The following SLC28A1 variants were observed in gnomAD, a reference collection of about 807,000 sequenced individuals.
SLC28A1 encodes the protein solute carrier family 28 member 1.
SLC28A1 carries 64 observed loss-of-function variants against 74.8 expected under a neutral mutation model. That is an observed-to-expected ratio of 0.86 (90% CI 0.70 to 1.05). The LOEUF is 1.05. Ranked by LOEUF, SLC28A1 falls within the 50% of genes least tolerant of loss-of-function variation. SLC28A1 has a pLI of 0.00. For synonymous variants in SLC28A1, 359 were observed against 335.0 expected, an observed-to-expected ratio of 1.07 and a Z score of -0.78; for missense variants, 828 against 822.8, an observed-to-expected ratio of 1.01 and a Z score of -0.08.
intron 17 of SLC28A1, 24 bp from the exon 18 acceptor site, chr15:84,944,732 C>T (rs777444365): frequency 3.1e-6 from 5 of 1,605,374 alleles, no homozygotes; most frequent in Non-Finnish European, 4.3e-6. Flanking sequence ...GGGCCCTGCC[C>T]CACCCACCAC....
intron 6 of SLC28A1, among the ~76,000 whole-genome samples, chr15:84,898,579 CA>C (rs34936074): frequency 1.1e-3 from 148 of 138,146 alleles, no homozygotes; most frequent in East Asian, 1.4e-3. Context: ...ACTCCATCAC[CA>C]AAAAAAAAAA....
intron 6 of SLC28A1, among the ~76,000 whole-genome samples, chr15:84,897,814 C>T (rs1226471216): frequency 6.6e-6 from 1 of 152,210 alleles, no homozygotes; most frequent in Non-Finnish European, 1.5e-5. Flanking sequence ...TCTCTGGTAA[C>T]CACCAAACTA....
At chr15:84,933,371 A>G (rs1971532644) in intron 13 of SLC28A1, 96 bp downstream of exon 13, 2 of 1,452,016 alleles carry the variant, frequency 1.4e-6, no homozygotes, top group Non-Finnish European at 1.9e-6. Context: ...ACTGTCTTCC[A>G]CTAGCCTGGG....
chr15:84,889,002 C>T (rs34130645), intron 4 of SLC28A1, 142 bp downstream of exon 4: 115,457 of 655,850 alleles, frequency 0.18, 10,815 homozygotes, highest in Middle Eastern at 0.23. Flanking sequence ...CTTTAGCCAA[C>T]ACGCACAGGC....
Position 84,918,533 on chromosome 15 carries a change from A to ATCAT in SLC28A1, c.807_810dup (p.Val271HisfsTer38), listed in dbSNP as rs1490903538. 1.2e-6 allele frequency: 2 copies of ATCAT among 1,613,520 alleles called. No homozygotes were observed. The highest frequency in any genetic ancestry group is 1.7e-5 in the Admixed American group (1 of 59,984). The stretch of plus-strand genomic sequence containing the variant: ...ATCTCCTTCCCGGCAGGTTCTGCCC[A>ATCAT]TCATTGTCTTTTTCAGCTGTGTCAT... On this transcript the variant is annotated frameshift_variant, in exon 10 of 19. Transcript: ENST00000394573. LOFTEE classifies it high-confidence loss of function.
rs1966975656 is a variant in SLC28A1 at position 84,905,647 on chromosome 15, A to G, written c.712A>G (p.Ile238Val). The G allele has an allele frequency of 1.2e-6, 2 of 1,610,636 alleles. No individual in the cohort carries two copies. The highest frequency in any genetic ancestry group is 1.7e-6 in the Non-Finnish European group (2 of 1,176,934). ...FIAFEWLGEQ[I>V]RIFLSYTKAG... ...TGCGTTCGAGTGGCTGGGCGAGCAG[A>G]TCCGGGTAGGTATGTGGGGTCTGGC... Residue 238 changes from isoleucine (I) to valine (V), a missense_variant, in exon 8 of 19, where the codon ATC (isoleucine) becomes GTC (valine). Physicochemically the swap from Ile to Val is conservative, Grantham distance 29. Transcript: ENST00000394573.
chr15:84,922,519 C>G (rs113332179), intron 11 of SLC28A1, among the ~76,000 whole-genome samples: 3 of 152,300 alleles, frequency 2.0e-5, no homozygotes, highest in African/African-American at 7.2e-5. Context: ...CCATCTACAA[C>G]CCCCCGCTGC....
intron 8 of SLC28A1, among the ~76,000 whole-genome samples, chr15:84,905,855 G>A (rs1466371926): frequency 4.6e-5 from 7 of 151,874 alleles, no homozygotes; most frequent in Non-Finnish European, 2.9e-5. Context: ...TGGTACTGAG[G>A]TCCCAATAGA....
Position 84,933,134 on chromosome 15 carries a change from C to A in SLC28A1, c.1084-11C>A. On this transcript the variant is annotated splice_polypyrimidine_tract_variant and intron_variant, in intron 12 of 18. Transcript: ENST00000394573. ...ACTGTCCACCTAGAACCTGCACTCT[C>A]ACTCTTGCAGATCGATGCCACCTCG... is the stretch of plus-strand genomic sequence containing the variant. 1 of 1,612,794 alleles carries A rather than the reference C, an allele frequency of 6.2e-7. No homozygotes were observed. The highest frequency in any genetic ancestry group is 1.1e-5 in the South Asian group (1 of 90,868).
At chr15:84,962,299 C>T in the SLC28A1 span, among the ~76,000 whole-genome samples, 1 of 152,032 alleles carries the variant, frequency 6.6e-6, no homozygotes, top group African/African-American at 2.4e-5. Context: ...GTCTCGAACT[C>T]CTGGCCTCAG....
downstream of SLC28A1, among the ~76,000 whole-genome samples, chr15:84,950,265 AC>A (rs2079371607): frequency 1.3e-5 from 2 of 152,006 alleles, no homozygotes; most frequent in Admixed American, 1.3e-4. Flanking sequence ...TCATTCATAA[AC>A]TCAAAATTTT....
At chr15:84,940,563 ATG>A (rs1972537553) in intron 15 of SLC28A1, 1 of 151,244 alleles carries the variant, frequency 6.6e-6, no homozygotes, top group Admixed American at 6.6e-5. Flanking sequence ...CCTCTTTCTC[ATG>A]TTTCTCCTAT....
At chr15:84,974,656 C>T in the SLC28A1 span, among the ~76,000 whole-genome samples, 27 of 152,224 alleles carry the variant, frequency 1.8e-4, no homozygotes, top group East Asian at 5.2e-3. Flanking sequence ...TCTGTCCTAC[C>T]CTGGTGCAAG....
chr15:84,923,882 G>C (rs953950642), intron 11 of SLC28A1, 103 bp from the exon 12 acceptor site: 22 of 1,497,902 alleles, frequency 1.5e-5, no homozygotes, highest in Non-Finnish European at 1.8e-5. Context: ...CCATCCTGCT[G>C]CCTCTTACCG....
At chr15:84,905,777 T>C (rs1596259131) in intron 8 of SLC28A1, 125 bp downstream of exon 8, 1 of 787,952 alleles carries the variant, frequency 1.3e-6, no homozygotes, top group Non-Finnish European at 2.2e-6. Context: ...GAGGGTGGGG[T>C]GGACTGGGGC....
rs752245412 is a variant in SLC28A1 at position 84,945,250 on chromosome 15, G to C, written c.*50G>C. 4 of 1,548,296 alleles carry C rather than the reference G, an allele frequency of 2.6e-6. No homozygotes were observed. The highest frequency in any genetic ancestry group is 3.6e-6 in the Non-Finnish European group (4 of 1,120,688). ...CGCTTCTGAGGGCTGTTCTCCCCCGGGAACCATCTGTCCCCACCTTCCCTT... is the reference window on the plus strand; with the variant it reads ...CGCTTCTGAGGGCTGTTCTCCCCCGCGAACCATCTGTCCCCACCTTCCCTT... On this transcript the variant is annotated 3_prime_UTR_variant, in exon 19 of 19. Coordinates refer to ENST00000394573, the MANE Select transcript of SLC28A1 (RefSeq NM_004213.5).
chr15:84,924,959 G>A (rs1050291139), intron 12 of SLC28A1, among the ~76,000 whole-genome samples: 1 of 147,318 alleles, frequency 6.8e-6, no homozygotes, highest in African/African-American at 2.5e-5. Context: ...GGAGTGCAGT[G>A]GCGCAATCTT....
At chr15:84,953,708 C>G in the SLC28A1 span, among the ~76,000 whole-genome samples, 1 of 152,070 alleles carries the variant, frequency 6.6e-6, no homozygotes, top group African/African-American at 2.4e-5. Context: ...GGTGACAGAG[C>G]AAGATGCAGT....
At chr15:84,923,055 A>G (rs35419229) in intron 11 of SLC28A1, among the ~76,000 whole-genome samples, 36,257 of 152,146 alleles carry the variant, frequency 0.24, 4,714 homozygotes, top group Non-Finnish European at 0.28. Flanking sequence ...CTCGTGCCTA[A>G]GCCTCCCTAG....
Sources: allele counts gnomAD v4.1 joint callset (sites outside exome capture counted in the v4.1 genomes callset), GRCh38; gene constraint gnomAD v4.1.1; transcripts MANE v1.5; gene names NCBI Gene and HGNC (gene_info 2026-07-23, HGNC 2026-07-21).